Variants in UNC79 observed in about 807,000 individuals in gnomAD.
UNC79 encodes the protein unc-79 subunit of NALCN channel complex, also known as protein unc-79 homolog.
A neutral mutation model predicts 283.1 loss-of-function variants in UNC79; 37 were observed. The observed-to-expected ratio is 0.13, with a 90% CI of 0.10 to 0.17. The LOEUF is 0.17. Ranked by LOEUF, UNC79 falls within the 10% of genes least tolerant of loss-of-function variation. UNC79 has a pLI of 1.00. For missense variants in UNC79, 2,272 were observed against 3,211.1 expected (o/e 0.71, Z 7.07); for synonymous variants, 1,107 against 1,200.2 (o/e 0.92, Z 1.61).
chr14:93,350,992 A>G (rs776476093), intron 1 of UNC79, among the ~76,000 whole-genome samples: 26 of 152,232 alleles, frequency 1.7e-4, no homozygotes, highest in Non-Finnish European at 3.7e-4. Flanking sequence ...GCTATTACTA[A>G]GAGTCATGTA....
chr14:93,504,108 C>T (rs982000563), intron 7 of UNC79, among the ~76,000 whole-genome samples: 3 of 151,976 alleles, frequency 2.0e-5, no homozygotes, highest in African/African-American at 4.8e-5. Context: ...CTTAGTTCAA[C>T]TGGTTTATTT....
intron 5 of UNC79, among the ~76,000 whole-genome samples, chr14:93,488,553 T>C (rs991112877): frequency 6.6e-6 from 1 of 152,174 alleles, no homozygotes; most frequent in Non-Finnish European, 1.5e-5. Context: ...AACTTCTGAC[T>C]CAGAATGAGG....
intron 24 of UNC79, 89 bp from the exon 25 acceptor site, chr14:93,600,480 G>T: frequency 1.1e-6 from 1 of 879,076 alleles, no homozygotes; most frequent in South Asian, 1.8e-5. Context: ...TTGTTTCATT[G>T]ACTTTGCCTA....
intron 7 of UNC79, among the ~76,000 whole-genome samples, chr14:93,513,631 A>G (rs959116249): frequency 6.6e-6 from 1 of 152,172 alleles, no homozygotes; most frequent in Non-Finnish European, 1.5e-5. Flanking sequence ...TGGGGTGTCC[A>G]TCACCTCAAG....
chr14:93,416,114 G>T (rs2055449051), intron 1 of UNC79, among the ~76,000 whole-genome samples: 14 of 139,856 alleles, frequency 1.0e-4, no homozygotes, highest in African/African-American at 3.9e-4. Flanking sequence ...TGTGATGTTA[G>T]GGTGTCAATT....
intron 1 of UNC79, among the ~76,000 whole-genome samples, chr14:93,340,904 G>T (rs552554021): frequency 6.6e-5 from 10 of 152,066 alleles, no homozygotes; most frequent in Non-Finnish European, 8.8e-5. Context: ...GTTAAAATAC[G>T]TAAGGACGCA....
chr14:93,348,006 C>CG, intron 1 of UNC79: 1 of 1,465,244 alleles, frequency 6.8e-7, no homozygotes, highest in African/African-American at 1.4e-5. Flanking sequence ...TACTCAGCAG[C>CG]GCGTGTCATC....
chr14:93,542,745 G>T, intron 14 of UNC79, 49 bp downstream of exon 14: 1 of 1,590,222 alleles, frequency 6.3e-7, no homozygotes, highest in Non-Finnish European at 8.6e-7. Context: ...AGGACTTGGG[G>T]AGAAGTGCTG....
chr14:93,474,062 T>C lies in UNC79; in HGVS notation c.144-27T>C. 6.6e-7 allele frequency: 1 copy of C among 1,504,972 alleles called. No homozygotes were observed. The highest frequency in any genetic ancestry group is 8.9e-7 in the Non-Finnish European group (1 of 1,129,756). 93.2% of individuals were successfully genotyped at this position (1,504,972 alleles called of 1,614,324 possible). A position where few individuals can be genotyped will look rare whatever the true frequency, so the allele number is the denominator to read the frequency against. Reference sequence around the variant, plus strand: ...TGCTGTTCTTTGTGTCTTTGTTGTCTCTTTTTTTTCTTTGTCCCCCCAACA... The same window carrying C: ...TGCTGTTCTTTGTGTCTTTGTTGTCCCTTTTTTTTCTTTGTCCCCCCAACA... On this transcript the variant is annotated intron_variant, in intron 2 of 48. Coordinates refer to ENST00000555664, the Ensembl canonical transcript of UNC79. The surrounding 1 kb of genome is among the most constrained non-coding windows in gnomAD (Gnocchi z 4.1).
intron 1 of UNC79, among the ~76,000 whole-genome samples, chr14:93,342,808 C>A (rs2053741642): frequency 6.6e-6 from 1 of 152,232 alleles, no homozygotes; most frequent in Non-Finnish European, 1.5e-5. Flanking sequence ...TAATCTCTTG[C>A]AAGTTCAAAG....
intron 1 of UNC79, among the ~76,000 whole-genome samples, chr14:93,333,840 A>G (rs1489614991): frequency 1.3e-5 from 2 of 152,206 alleles, no homozygotes; most frequent in African/African-American, 2.4e-5. Flanking sequence ...TAGTCAGGAT[A>G]GGTGTTTTTA....
At chr14:93,539,489 C>T (rs1051058000) in intron 12 of UNC79, among the ~76,000 whole-genome samples, 1 of 151,116 alleles carries the variant, frequency 6.6e-6, no homozygotes, top group African/African-American at 2.4e-5. Flanking sequence ...CCACTGCACT[C>T]CAGCCTGGGA....
intron 22 of UNC79, 66 bp from the exon 23 acceptor site, chr14:93,593,614 G>A: frequency 6.5e-7 from 1 of 1,547,116 alleles, no homozygotes; most frequent in East Asian, 2.3e-5. Flanking sequence ...TAAATTAAGA[G>A]GACAGGATCT....
intron 41 of UNC79, among the ~76,000 whole-genome samples, chr14:93,675,475 A>G (rs560215574): frequency 4.6e-5 from 7 of 152,244 alleles, no homozygotes; most frequent in African/African-American, 1.7e-4. Context: ...AAAAATTCCC[A>G]CATAGTGCAA....
At chr14:93,556,805 C>T (rs1266583581) in intron 14 of UNC79, among the ~76,000 whole-genome samples, 1 of 152,100 alleles carries the variant, frequency 6.6e-6, no homozygotes, top group Non-Finnish European at 1.5e-5. Context: ...ATATCATTTA[C>T]CATAGAGCTC....
At chr14:93,420,323 A>T (rs1283638823) in intron 1 of UNC79, among the ~76,000 whole-genome samples, 4 of 151,720 alleles carry the variant, frequency 2.6e-5, no homozygotes, top group African/African-American at 9.7e-5. Context: ...CTATATTTAT[A>T]TCCAACAAAA....
In UNC79 at chr14:93,604,957, G is replaced by A. The variant is rs201526951; in HGVS notation, c.3754+1539G>A. 91 of 1,575,640 alleles carry A rather than the reference G, an allele frequency of 5.8e-5. 1 individual carries two copies. The African/African-American group carries it at 6.5e-4, about 11-fold the overall frequency. On this transcript the variant is annotated intron_variant, in intron 26 of 48. Transcript: ENST00000555664. Reference sequence around the variant, plus strand: ...CTCTCGGTGGGACACCCGAACAGACGCCAGGTGGGTACTTCTGACATTGAA... The same window carrying A: ...CTCTCGGTGGGACACCCGAACAGACACCAGGTGGGTACTTCTGACATTGAA...
At chr14:93,382,868 A>G (rs1376769264) in intron 1 of UNC79, among the ~76,000 whole-genome samples, 3 of 152,226 alleles carry the variant, frequency 2.0e-5, no homozygotes, top group Admixed American at 6.5e-5. Context: ...AAAATACTTT[A>G]CACTCCATGA....
intron 46 of UNC79, 129 bp downstream of exon 49, chr14:93,692,075 C>A: frequency 9.1e-7 from 1 of 1,097,324 alleles, no homozygotes; most frequent in Non-Finnish European, 1.3e-6. Context: ...GGATATGTTA[C>A]CTTATAAGCT....
Sources: gnomAD v4.1 joint callset for allele counts (sites outside exome capture counted in the v4.1 genomes callset) on GRCh38, gnomAD v4.1.1 for gene constraint, Gnocchi (gnomAD v3.1) non-coding constraint, MANE v1.5 for transcripts, NCBI Gene and HGNC (gene_info 2026-07-23, HGNC 2026-07-21) for gene names.